Variants in SH3D21 observed in about 807,000 individuals in gnomAD.
SH3D21 encodes the protein SH3 domain-containing protein 21.
A neutral mutation model predicts 82.1 loss-of-function variants in SH3D21; 83 were observed. The observed-to-expected ratio is 1.01, with a 90% CI of 0.85 to 1.21. The LOEUF (loss-of-function observed/expected upper bound fraction) is 1.21, where lower values mean the gene tolerates loss of function less well. SH3D21 is among the 50% of genes most tolerant of loss of function. The pLI, the probability that SH3D21 is intolerant of heterozygous loss-of-function variation, is 0.00. For synonymous variants in SH3D21, 383 were observed against 387.8 expected, an observed-to-expected ratio of 0.99 and a Z score of 0.15; for missense variants, 980 against 962.1, an observed-to-expected ratio of 1.02 and a Z score of -0.25.
Position 36,308,105 on chromosome 1 carries a change from C to T in SH3D21, c.539-4C>T, listed in dbSNP as rs554602244. The T allele has an allele frequency of 1.9e-6, 3 of 1,546,704 alleles. No individual in the cohort carries two copies. In the South Asian group the frequency reaches 3.6e-5, roughly 19 times the overall value. ...CAGAGGACAGTGGACTGACCTCTTC[C>T]CAGTCTCCCACCCTGAGGTCTACAG... On this transcript the variant is annotated splice_polypyrimidine_tract_variant and splice_region_variant and intron_variant, in intron 7 of 15. Coordinates refer to ENST00000453908, the MANE Select transcript of SH3D21 (RefSeq NM_001162530.2).
chr1:36,323,516 T>G (rs978401140), downstream of SH3D21: 1 of 151,898 alleles, frequency 6.6e-6, no homozygotes, highest in Non-Finnish European at 1.5e-5. Flanking sequence ...CCGCATACAC[T>G]GGGTCCGGCC....
downstream of SH3D21, chr1:36,321,776 C>G (rs1646468303): frequency 3.0e-6 from 3 of 1,000,920 alleles, no homozygotes; most frequent in Non-Finnish European, 3.6e-6. This position sits in a 1 kb window ranked among gnomAD's most constrained non-coding sequence, Gnocchi z 6.1. Context: ...CAGGCGTTTG[C>G]CGGTAAGGAA....
chr1:36,310,892 GT>G (rs1006696792), intron 10 of SH3D21, among the ~76,000 whole-genome samples: 1 of 151,616 alleles, frequency 6.6e-6, no homozygotes, highest in South Asian at 2.1e-4. Context: ...GAGACTTGCT[GT>G]TTTTTTTGGT....
At position 36,321,048 on chromosome 1, in the gene SH3D21, C is replaced by T; in HGVS notation, c.2200-8C>T. Reference sequence around the variant, plus strand: ...CCCTGACAAAGTCTCCACCTCACTCCCGACCAGGTCCAGGTGATGCAGGGG... The same window carrying T: ...CCCTGACAAAGTCTCCACCTCACTCTCGACCAGGTCCAGGTGATGCAGGGG... On this transcript the variant is annotated splice_polypyrimidine_tract_variant and splice_region_variant and intron_variant, in intron 15 of 15. Transcript: ENST00000453908. The surrounding 1 kb of genome is among the most constrained non-coding windows in gnomAD (Gnocchi z 6.1). 1 of 1,609,906 alleles carries T rather than the reference C, an allele frequency of 6.2e-7. No individual in the cohort carries two copies.
Position 36,307,165 on chromosome 1 carries a change from AG to A in SH3D21, c.227del. On this transcript the variant is annotated splice_acceptor_variant, in intron 3 of 15. Coordinates refer to ENST00000453908, the MANE Select transcript of SH3D21 (RefSeq NM_001162530.2). LOFTEE classifies it high-confidence loss of function. This position sits in a 1 kb window ranked among gnomAD's most constrained non-coding sequence, Gnocchi z 5.4. The stretch of plus-strand genomic sequence containing the variant: ...AGCTCAGCCGCGCTTGTCCGGTGCT[AG>A]GTCATCCTGCCAAACACCCGAGGCC... 6.4e-7 allele frequency: 1 copy of A among 1,551,596 alleles called. No homozygotes were observed. The highest frequency in any genetic ancestry group is 8.7e-7 in the Non-Finnish European group (1 of 1,146,928).
rs1440029015 is a variant in SH3D21, at chr1:36,320,422, A to G, written c.1759A>G (p.Thr587Ala). 6.2e-7 allele frequency: 1 copy of G among 1,613,090 alleles called. No homozygotes were observed. Among genetic ancestry groups the G allele is most frequent in the Non-Finnish European group, 8.5e-7 (1 of 1,179,776 alleles). Residue 587 changes from threonine (T) to alanine (A), a missense_variant, in exon 14 of 16, where the codon ACC becomes GCC. Thr to Ala is a moderately conservative substitution (Grantham distance 58). Transcript: ENST00000453908. Reference protein sequence around the residue: ...EKPHPHEEATTLPEEAPSNDE... With the variant: ...EKPHPHEEATALPEEAPSNDE... ...GCCCCACCCCCACGAAGAGGCTACA[A>G]CCCTTCCAGAGGAGGCACCTTCCAA...
At chr1:36,310,934 A>G (rs923605671) in intron 10 of SH3D21, among the ~76,000 whole-genome samples, 2 of 151,664 alleles carry the variant, frequency 1.3e-5, no homozygotes, top group South Asian at 2.1e-4. Flanking sequence ...ATGGAGACAG[A>G]GTCTCTCTCT....
chr1:36,322,931 G>A (rs755588674), downstream of SH3D21: 3 of 1,602,842 alleles, frequency 1.9e-6, no homozygotes, highest in East Asian at 2.2e-5. Context: ...GGTGGTCAGG[G>A]AAGGGTTCAG....
At position 36,320,759 on chromosome 1, in the gene SH3D21, C is replaced by T. The variant is rs760157860; in HGVS notation, c.2096C>T (p.Ser699Phe). ...DVTSLRGEVE[S>F]LRRALELMEV... ...ACGTCGCTGAGGGGCGAGGTGGAGT[C>T]TCTAAGGAGGGCGCTGGAGCTGATG... Residue 699 changes from serine (S) to phenylalanine (F), a missense_variant, in exon 14 of 16, where the codon TCT becomes TTT. Ser to Phe is a radical substitution (Grantham distance 155). Coordinates refer to ENST00000453908, the MANE Select transcript of SH3D21 (RefSeq NM_001162530.2). 1 of 1,595,002 alleles carries T rather than the reference C, an allele frequency of 6.3e-7. No individual in the cohort carries two copies. Among genetic ancestry groups the T allele is most frequent in the South Asian group, 1.1e-5 (1 of 89,186 alleles).
chr1:36,315,471 T>G (rs926127288), intron 10 of SH3D21, among the ~76,000 whole-genome samples: 1 of 152,006 alleles, frequency 6.6e-6, no homozygotes, highest in African/African-American at 2.4e-5. Flanking sequence ...CGCCTTAGCC[T>G]TCTGAGTAGC....
rs751932748 is a variant in SH3D21 at position 36,320,635 on chromosome 1, C to T, written c.1972C>T (p.Arg658Cys). 7.2e-5 allele frequency: 116 copies of T among 1,614,154 alleles called. No homozygotes were observed. The highest frequency in any genetic ancestry group is 1.6e-4 in the Middle Eastern group (1 of 6,084). The change falls in exon 14 of 16, where the codon CGT becomes TGT. Residue 658 changes from arginine (R) to cysteine (C), a missense_variant. Physicochemically the swap from Arg to Cys is radical, Grantham distance 180 (BLOSUM62 -3). Transcript: ENST00000453908. Reference protein sequence around the residue: ...PIERAFAQKTRPIKPPPDSQE... With the variant: ...PIERAFAQKTCPIKPPPDSQE... ...AGAAAGAGCCTTTGCCCAAAAAACACGTCCTATCAAGCCGCCTCCAGACTC... is the reference window on the plus strand; with the variant it reads ...AGAAAGAGCCTTTGCCCAAAAAACATGTCCTATCAAGCCGCCTCCAGACTC...
chr1:36,320,609 TAGAA>T lies in SH3D21; in HGVS notation c.1950_1953del (p.Arg651ProfsTer39), dbSNP rs770784519. ...GCTCCAAAAGAGGAGGTGCCCCCCA[TAGAA>T]AGAGCCTTTGCCCAAAAAACACGTC... On this transcript the variant is annotated frameshift_variant, in exon 14 of 16. Transcript: ENST00000453908. LOFTEE classifies it high-confidence loss of function. 59 of 1,614,048 alleles carry T rather than the reference TAGAA, an allele frequency of 3.7e-5. No individual in the cohort carries two copies. Among genetic ancestry groups the T allele is most frequent in the African/African-American group, 5.3e-5 (4 of 74,892 alleles).
downstream of SH3D21, chr1:36,328,930 G>A (rs1436209065): frequency 6.6e-6 from 1 of 152,352 alleles, no homozygotes; most frequent in Non-Finnish European, 1.5e-5. Context: ...TTGCCAAGAA[G>A]GAAGTGAGGC....
rs1316647838 is a variant in SH3D21 at position 36,320,013 on chromosome 1, C to T, written c.1350C>T (p.Val450=). 6.2e-7 allele frequency: 1 copy of T among 1,614,112 alleles called. No homozygotes were observed. The highest frequency in any genetic ancestry group is 1.3e-5 in the African/African-American group (1 of 75,010). Residue 450 remains valine, a synonymous_variant, in exon 14 of 16, where the codon GTC becomes GTT. Transcript: ENST00000453908. ...ACAAACCCTCCACTCCAGAGAGGGT[C>T]TTTTCAGTGGAAGAGTCCCCTGCCC... ...TVDKPSTPER[V]FSVEESPALE... is the part of the protein sequence containing the mutation.
Position 36,306,893 on chromosome 1 carries a change from G to A in SH3D21, c.214G>A (p.Ala72Thr), listed in dbSNP as rs1205964230. 2 of 1,312,660 alleles carry A rather than the reference G, an allele frequency of 1.5e-6. No individual in the cohort carries two copies. The highest frequency in any genetic ancestry group is 2.3e-5 in the Admixed American group (1 of 43,384). 81.3% of individuals were successfully genotyped at this position (1,312,660 alleles called of 1,614,324 possible). ...GSGEARRPRCARRRGHPAKHP... is the reference protein window; with the variant it reads ...GSGEARRPRCTRRRGHPAKHP... ...CGGAGAGGCGCGGAGGCCGCGCTGT[G>A]CGCGCCGCCGAGGTGAGCGCAAGGG... The change falls in exon 3 of 16, where the codon GCG (alanine) becomes ACG (threonine). Residue 72 changes from alanine (A) to threonine (T), a missense_variant. Physicochemically the swap from Ala to Thr is moderately conservative, Grantham distance 58. Coordinates refer to ENST00000453908, the MANE Select transcript of SH3D21 (RefSeq NM_001162530.2). The surrounding 1 kb of genome is among the most constrained non-coding windows in gnomAD (Gnocchi z 4.5).
At chr1:36,322,088 A>C, downstream of SH3D21, 2 of 1,349,900 alleles carry the variant, frequency 1.5e-6, no homozygotes, top group Non-Finnish European at 1.9e-6. Context: ...GACCCCAGAG[A>C]GGGAGTGGGG....
At chr1:36,322,543 C>T (rs754549399), downstream of SH3D21, 4 of 1,598,422 alleles carry the variant, frequency 2.5e-6, no homozygotes, top group South Asian at 1.1e-5. Flanking sequence ...GTCACCGTGT[C>T]CTCCTCGTCC....
Position 36,320,788 on chromosome 1 carries a change from G to A in SH3D21, c.2125G>A (p.Val709Met), listed in dbSNP as rs542791141. ...AAGGAGGGCGCTGGAGCTGATGGAG[G>A]TGCAGCTGGAGTGAGTGGGCAGTGG... ...SLRRALELMEVQLERKLTDIW... is the reference protein window; with the variant it reads ...SLRRALELMEMQLERKLTDIW... The change falls in exon 14 of 16, where the codon GTG becomes ATG. Residue 709 changes from valine to methionine, a missense_variant. By Grantham distance (21) the Val-to-Met change is conservative. Coordinates refer to ENST00000453908, the MANE Select transcript of SH3D21 (RefSeq NM_001162530.2). The A allele has an allele frequency of 1.9e-6, 3 of 1,569,860 alleles. No homozygotes were observed. In the African/African-American group the frequency reaches 4.1e-5, roughly 21 times the overall value.
At chr1:36,308,571 C>A in intron 9 of SH3D21, 96 bp downstream of exon 9, 1 of 976,220 alleles carries the variant, frequency 1.0e-6, no homozygotes, top group Non-Finnish European at 1.6e-6. Context: ...TGGAGGGTCA[C>A]TAAATGAGGG....
Sources: gnomAD v4.1 joint callset for allele counts (sites outside exome capture counted in the v4.1 genomes callset) on GRCh38, gnomAD v4.1.1 for gene constraint, Gnocchi (gnomAD v3.1) non-coding constraint, MANE v1.5 for transcripts, NCBI Gene and HGNC (gene_info 2026-07-23, HGNC 2026-07-21) for gene names.